Variants in EPHA5 observed in about 807,000 individuals in gnomAD.
The protein encoded by EPHA5 is EPH receptor A5.
A neutral mutation model predicts 105.0 loss-of-function variants in EPHA5; 60 were observed. The observed-to-expected ratio is 0.57, with a 90% confidence interval of 0.46 to 0.71. The LOEUF is 0.71. EPHA5 is among the 30% of genes least tolerant of loss of function. EPHA5 has a pLI of 0.00. For synonymous variants in EPHA5, 513 were observed against 449.1 expected (o/e 1.14, Z -1.80); for missense variants, 1,218 against 1,274.7 (o/e 0.96, Z 0.68).
chr4:65,342,236 T>C (rs980625865), intron 14 of EPHA5, among the ~76,000 whole-genome samples: 7 of 151,994 alleles, frequency 4.6e-5, no homozygotes, highest in African/African-American at 1.7e-4. Context: ...TATGTGTCAT[T>C]TTTTTCAAAA....
chr4:65,581,676 G>A (rs571960357), intron 3 of EPHA5, among the ~76,000 whole-genome samples: 1 of 151,700 alleles, frequency 6.6e-6, no homozygotes, highest in African/African-American at 2.4e-5. Flanking sequence ...CAGTTACCAG[G>A]TTTTGAGTTA....
chr4:65,635,404 T>A (rs1747028993), intron 2 of EPHA5, among the ~76,000 whole-genome samples: 1 of 152,120 alleles, frequency 6.6e-6, no homozygotes, highest in Admixed American at 6.6e-5. Context: ...ATGTTTATAT[T>A]CTTTATTTGA....
intron 5 of EPHA5, among the ~76,000 whole-genome samples, chr4:65,477,035 T>A (rs1729888391): frequency 6.6e-6 from 1 of 152,168 alleles, no homozygotes; most frequent in African/African-American, 2.4e-5. Context: ...ATTGAACCCA[T>A]CATTTATGAA....
intron 8 of EPHA5, among the ~76,000 whole-genome samples, chr4:65,380,913 G>C (rs981723040): frequency 6.6e-6 from 1 of 151,656 alleles, no homozygotes; most frequent in Non-Finnish European, 1.5e-5. Flanking sequence ...AGATCATGGG[G>C]TTTGTAGTCA....
At chr4:65,435,367 T>C (rs1319706236) in intron 5 of EPHA5, among the ~76,000 whole-genome samples, 1 of 152,150 alleles carries the variant, frequency 6.6e-6, no homozygotes, top group Non-Finnish European at 1.5e-5. Context: ...TTAAGTATTC[T>C]TGAAGGCATA....
intron 3 of EPHA5, among the ~76,000 whole-genome samples, chr4:65,592,245 A>G (rs1188100269): frequency 6.6e-6 from 1 of 152,168 alleles, no homozygotes; most frequent in African/African-American, 2.4e-5. Context: ...AAACTAATAA[A>G]TTAAAAATGT....
intron 2 of EPHA5, among the ~76,000 whole-genome samples, chr4:65,622,054 G>T (rs765095538): frequency 3.3e-5 from 5 of 152,046 alleles, no homozygotes; most frequent in Non-Finnish European, 7.4e-5. Context: ...ACTTCGAAGA[G>T]TATTTTAAGT....
chr4:65,424,653 AT>A (rs1440937774), intron 5 of EPHA5, among the ~76,000 whole-genome samples: 1 of 151,978 alleles, frequency 6.6e-6, no homozygotes, highest in Non-Finnish European at 1.5e-5. Context: ...AGTCAAAATT[AT>A]TTGTCGCTTC....
chr4:65,626,398 C>A (rs943409237), intron 2 of EPHA5, among the ~76,000 whole-genome samples: 8 of 152,058 alleles, frequency 5.3e-5, no homozygotes, highest in Non-Finnish European at 4.4e-5. Context: ...TTGCTAATAG[C>A]TATTTTCATT....
chr4:65,441,510 G>T (rs1306435009), intron 5 of EPHA5, among the ~76,000 whole-genome samples: 1 of 151,810 alleles, frequency 6.6e-6, no homozygotes, highest in Non-Finnish European at 1.5e-5. Flanking sequence ...TATTACTTAT[G>T]ATAGGAAAAT....
intron 3 of EPHA5, among the ~76,000 whole-genome samples, chr4:65,512,075 GA>G (rs559024543): frequency 7.8e-4 from 119 of 152,282 alleles, no homozygotes; most frequent in Non-Finnish European, 1.5e-3. Context: ...AGGTTTTTAA[GA>G]GAATAAGTGA....
At chr4:65,516,231 C>T (rs1324493106) in intron 3 of EPHA5, among the ~76,000 whole-genome samples, 2 of 152,158 alleles carry the variant, frequency 1.3e-5, no homozygotes, top group African/African-American at 2.4e-5. Context: ...TTACCAATAA[C>T]ATAAATAGTT....
chr4:65,577,912 T>C (rs1204068555), intron 3 of EPHA5, among the ~76,000 whole-genome samples: 1 of 152,186 alleles, frequency 6.6e-6, no homozygotes, highest in African/African-American at 2.4e-5. Flanking sequence ...ATTGTCCCCA[T>C]AAACTCAGGA....
chr4:65,372,025 C>T (rs925037397), intron 8 of EPHA5, among the ~76,000 whole-genome samples: 1 of 151,774 alleles, frequency 6.6e-6, no homozygotes, highest in Non-Finnish European at 1.5e-5. Flanking sequence ...ACATTAATAT[C>T]TATATGAGAT....
intron 7 of EPHA5, among the ~76,000 whole-genome samples, chr4:65,412,324 G>A (rs1722987962): frequency 6.6e-6 from 1 of 152,126 alleles, no homozygotes; most frequent in Non-Finnish European, 1.5e-5. Flanking sequence ...CCTTTTGTCT[G>A]GAGAGAAGTT....
intron 5 of EPHA5, among the ~76,000 whole-genome samples, chr4:65,465,527 G>T (rs1288280110): frequency 1.4e-5 from 1 of 70,922 alleles, no homozygotes; most frequent in Non-Finnish European, 2.7e-5. Context: ...AAGAAAGAAA[G>T]AAAAGAAAGG....
intron 5 of EPHA5, among the ~76,000 whole-genome samples, chr4:65,478,737 G>T (rs4466097): frequency 3.3e-5 from 5 of 151,940 alleles, no homozygotes; most frequent in African/African-American, 1.2e-4. Context: ...CTCCCAAAGT[G>T]CTAGGATTGT....
In EPHA5 at chr4:65,534,159, C is replaced by A. The variant is rs1394048449; in HGVS notation, c.911-38616G>T. ...CTTAAGTTTCCAACTGTGGATCATA[C>A]TTTTCAAGTATTTATGTAACATTCT... On this transcript the variant is annotated intron_variant, in intron 3 of 16. Coordinates refer to ENST00000613740, the MANE Select transcript of EPHA5 (RefSeq NM_001281766.3). Among the ~76,000 whole-genome samples the A allele has an allele frequency of 3.9e-5, 6 of 152,160 alleles. No individual in the cohort carries two copies. The East Asian group carries it at 1.2e-3, about 29-fold the overall frequency.
intron 2 of EPHA5, among the ~76,000 whole-genome samples, chr4:65,609,834 G>A (rs149216818): frequency 0.017 from 2,565 of 151,792 alleles, 32 homozygotes; most frequent in Non-Finnish European, 0.024. Flanking sequence ...GTATTTCTTA[G>A]TTAAATATCA....
Sources: allele counts gnomAD v4.1 joint callset (sites outside exome capture counted in the v4.1 genomes callset), GRCh38; gene constraint gnomAD v4.1.1; transcripts MANE v1.5; gene names NCBI Gene and HGNC (gene_info 2026-07-23, HGNC 2026-07-21).